ANKRD11: variants seen among roughly 807,000 people sequenced by gnomAD.
The protein encoded by ANKRD11 is ankyrin repeat domain 11.
In ANKRD11, 17 loss-of-function variants were observed where a neutral mutation model predicts 195.7. The observed-to-expected ratio is 0.09, with a 90% CI of 0.06 to 0.13. The LOEUF (loss-of-function observed/expected upper bound fraction) is 0.13. ANKRD11 is among the 10% of genes least tolerant of loss of function. The probability of loss-of-function intolerance (pLI) is 1.00; values close to 1 mark genes in which losing one functional copy is unlikely to be tolerated. For synonymous variants in ANKRD11, 1,953 were observed against 1,528.1 expected, an observed-to-expected ratio of 1.28 and a Z score of -6.49; for missense variants, 3,735 against 3,566.1, an observed-to-expected ratio of 1.05 and a Z score of -1.21.
intron 1 of ANKRD11, among the ~76,000 whole-genome samples, chr16:89,432,944 ATCTCTCTCTCTCTC>A (rs56770747): frequency 0.012 from 1,296 of 108,746 alleles, 43 homozygotes; most frequent in Admixed American, 0.062. Context: ...CAGAGACCCT[ATCTCTCTCTCTCTC>A]TCTCTCTCTC....
rs539867273 is a variant in ANKRD11 at position 89,359,392 on chromosome 16, G to A, written c.-59-42314C>T. On this transcript the variant is annotated intron_variant, in intron 2 of 12. Transcript: ENST00000301030. ...CCCAGGGAACTGCAGCCAGCTCCTGGAGCCAGCCCCAGCAGAGGAGCAGGA... is the reference window on the plus strand; with the variant it reads ...CCCAGGGAACTGCAGCCAGCTCCTGAAGCCAGCCCCAGCAGAGGAGCAGGA... Among the ~76,000 whole-genome samples, 7 of 152,274 alleles carry A rather than the reference G, an allele frequency of 4.6e-5. No individual in the cohort carries two copies. In the South Asian group the frequency reaches 6.2e-4, roughly 14 times the overall value.
chr16:89,411,125 G>C (rs191115417), intron 2 of ANKRD11, among the ~76,000 whole-genome samples: 1 of 152,384 alleles, frequency 6.6e-6, no homozygotes, highest in East Asian at 1.9e-4. Context: ...GGCCAGGGCA[G>C]AAGGCAGCAG....
chr16:89,482,779 C>T (rs1446002917), intron 1 of ANKRD11, among the ~76,000 whole-genome samples: 3 of 152,038 alleles, frequency 2.0e-5, no homozygotes, highest in Non-Finnish European at 2.9e-5. Flanking sequence ...GCAACAGAGC[C>T]GAGACTCTCC....
intron 2 of ANKRD11, among the ~76,000 whole-genome samples, chr16:89,397,305 T>G (rs563440167): frequency 6.6e-6 from 1 of 152,210 alleles, no homozygotes; most frequent in Non-Finnish European, 1.5e-5. Context: ...GGGCAAGGCC[T>G]CTCACAAGTC....
chr16:89,378,860 G>A (rs1167510225), intron 2 of ANKRD11, among the ~76,000 whole-genome samples: 2 of 152,154 alleles, frequency 1.3e-5, no homozygotes, highest in Non-Finnish European at 2.9e-5. Flanking sequence ...AGGGGTTGAT[G>A]GGTGGGGCGA....
chr16:89,349,222 G>A (rs991034540), intron 2 of ANKRD11, among the ~76,000 whole-genome samples: 6 of 139,414 alleles, frequency 4.3e-5, no homozygotes, highest in African/African-American at 1.1e-4. Context: ...TAAATAGAAT[G>A]ATGGAACAGA....
intron 2 of ANKRD11, among the ~76,000 whole-genome samples, chr16:89,386,030 C>T (rs906155694): frequency 3.3e-5 from 5 of 152,244 alleles, no homozygotes; most frequent in African/African-American, 1.2e-4. Context: ...CGGGTGTGCG[C>T]CGCCATGCCC....
Position 89,285,240 on chromosome 16 carries a change from C to A in ANKRD11, c.1302G>T (p.Leu434Phe). The change falls in exon 9 of 13, where the codon TTG becomes TTT. Residue 434 changes from leucine to phenylalanine, a missense_variant. Leu to Phe is a conservative substitution (Grantham distance 22). Coordinates refer to ENST00000301030, the MANE Select transcript of ANKRD11 (RefSeq NM_013275.6). This position sits in a 1 kb window ranked among gnomAD's most constrained non-coding sequence, Gnocchi z 5.6. ...AAGGCTCTCGTGTCTTACTACCAGG[C>A]AATATCGTATGTGCCGAGAGTCTCA... ...EKLRLSAHTI[L>F]PGSKTREPSN... The A allele has an allele frequency of 6.2e-7, 1 of 1,613,856 alleles. No individual in the cohort carries two copies. The highest frequency in any genetic ancestry group is 8.5e-7 in the Non-Finnish European group (1 of 1,180,024).
At chr16:89,339,319 T>C (rs1469351725) in intron 2 of ANKRD11, among the ~76,000 whole-genome samples, 1 of 151,502 alleles carries the variant, frequency 6.6e-6, no homozygotes, top group Non-Finnish European at 1.5e-5. Flanking sequence ...ACCAAAGGAG[T>C]AAGAGAGGCC....
Position 89,295,725 on chromosome 16 carries a change from G to A in ANKRD11, c.227-4542C>T, listed in dbSNP as rs574429988. Among the ~76,000 whole-genome samples the A allele has an allele frequency of 2.6e-5, 4 of 152,152 alleles. No homozygotes were observed. The East Asian group carries it at 7.7e-4, about 29-fold the overall frequency. On this transcript the variant is annotated intron_variant, in intron 4 of 12. Transcript: ENST00000301030. ...CGGCGGTGGCACCTGGCTCTGTGCA[G>A]GTGGGATGGGGGGGATGTGACGCGC...
chr16:89,305,282 C>T lies in ANKRD11; in HGVS notation c.150G>A (p.Glu50=), dbSNP rs2036117719. ...PKLERGDGGK[E]VRERASKRKL... is the part of the protein sequence containing the mutation. The stretch of plus-strand genomic sequence containing the variant: ...TCCGCTTGCTGGCTCGCTCCCTCAC[C>T]TCCTTCCCGCCATCGCCACGCTCCA... Residue 50 remains glutamate (E), a synonymous_variant, in exon 4 of 13, where the codon GAG becomes GAA. Transcript: ENST00000301030. The T allele has an allele frequency of 6.2e-7, 1 of 1,613,988 alleles. No homozygotes were observed. Among genetic ancestry groups the T allele is most frequent in the Non-Finnish European group, 8.5e-7 (1 of 1,179,914 alleles).
intron 1 of ANKRD11, among the ~76,000 whole-genome samples, chr16:89,485,425 C>G (rs943577844): frequency 2.6e-5 from 4 of 151,948 alleles, no homozygotes; most frequent in Non-Finnish European, 5.9e-5. Context: ...ATCCGGGAGG[C>G]AGAGGTTGCT....
intron 9 of ANKRD11, among the ~76,000 whole-genome samples, chr16:89,276,155 AG>A (rs1433847089): frequency 1.3e-5 from 2 of 152,186 alleles, no homozygotes; most frequent in African/African-American, 2.4e-5. Context: ...GAGGGAGACC[AG>A]GAAGAGCTCC....
chr16:89,449,549 T>C (rs1436478402), intron 1 of ANKRD11, among the ~76,000 whole-genome samples: 1 of 151,802 alleles, frequency 6.6e-6, no homozygotes, highest in Non-Finnish European at 1.5e-5. Flanking sequence ...ATCCGAGCAC[T>C]TTGGGAGGCC....
intron 1 of ANKRD11, among the ~76,000 whole-genome samples, chr16:89,486,303 C>G (rs556751327): frequency 6.6e-6 from 1 of 151,876 alleles, no homozygotes; most frequent in Non-Finnish European, 1.5e-5. Context: ...TAGCTGGGCA[C>G]GGCGGCACAT....
chr16:89,347,291 T>C (rs1745462492), intron 2 of ANKRD11, among the ~76,000 whole-genome samples: 2 of 152,150 alleles, frequency 1.3e-5, no homozygotes, highest in African/African-American at 2.4e-5. Context: ...CCTGTATGTG[T>C]GTACGTGAAC....
chr16:89,391,908 A>C (rs1027113260), intron 2 of ANKRD11, among the ~76,000 whole-genome samples: 13 of 152,234 alleles, frequency 8.5e-5, no homozygotes, highest in Admixed American at 4.6e-4. Flanking sequence ...ATTTAGCCTA[A>C]ATATCTGCCC....
intron 2 of ANKRD11, among the ~76,000 whole-genome samples, chr16:89,415,334 G>A (rs1019525489): frequency 7.1e-6 from 1 of 141,102 alleles, no homozygotes; most frequent in Non-Finnish European, 1.5e-5. Flanking sequence ...GTGCGATCTC[G>A]GTTTACTGCA....
intron 4 of ANKRD11, chr16:89,300,308 G>T: frequency 4.6e-6 from 1 of 216,408 alleles, no homozygotes. Context: ...CCCGCCGTGT[G>T]TTGCTAACAT....
Sources: allele counts gnomAD v4.1 joint callset (sites outside exome capture counted in the v4.1 genomes callset), GRCh38; gene constraint gnomAD v4.1.1; non-coding constraint Gnocchi (gnomAD v3.1); transcripts MANE v1.5; gene names NCBI Gene and HGNC (gene_info 2026-07-23, HGNC 2026-07-21).